The following SCFD2 variants were observed in gnomAD, a reference collection of about 807,000 sequenced individuals.
SCFD2 encodes the protein sec1 family domain-containing protein 2.
In SCFD2, 54 loss-of-function variants were observed where a neutral mutation model predicts 58.9. That is an observed-to-expected ratio of 0.92 (90% CI 0.74 to 1.15). The LOEUF is 1.15. Among genes scored for constraint, SCFD2 ranks in the 50% most tolerant of loss-of-function variants. The pLI is 0.00. For missense variants in SCFD2, 805 were observed against 836.6 expected (o/e 0.96, Z 0.47); for synonymous variants, 321 against 335.9 (o/e 0.96, Z 0.49).
At chr4:53,167,394 A>C (rs1358128849) in intron 4 of SCFD2, among the ~76,000 whole-genome samples, 1 of 152,236 alleles carries the variant, frequency 6.6e-6, no homozygotes. Context: ...ATTTATTTGA[A>C]GGTTATAATC....
At chr4:53,045,991 G>A (rs2148827872) in intron 5 of SCFD2, among the ~76,000 whole-genome samples, 1 of 152,172 alleles carries the variant, frequency 6.6e-6, no homozygotes, top group African/African-American at 2.4e-5. Context: ...CCATCTTAAA[G>A]ATGGGGAAAC....
intron 5 of SCFD2, among the ~76,000 whole-genome samples, chr4:52,963,333 A>G (rs375302643): frequency 5.3e-5 from 8 of 152,226 alleles, no homozygotes; most frequent in African/African-American, 1.9e-4. Context: ...AGGAGAAGTG[A>G]GAATCCTGGG....
At chr4:53,035,143 C>A (rs1722722417) in intron 5 of SCFD2, among the ~76,000 whole-genome samples, 1 of 152,142 alleles carries the variant, frequency 6.6e-6, no homozygotes, top group Non-Finnish European at 1.5e-5. Flanking sequence ...ACCAATGGAA[C>A]AGAACAGAGC....
intron 2 of SCFD2, among the ~76,000 whole-genome samples, chr4:53,319,824 GC>G (rs1353686508): frequency 1.3e-5 from 2 of 152,096 alleles, no homozygotes; most frequent in African/African-American, 4.8e-5. Flanking sequence ...GAGCCACTAG[GC>G]CCACCCGTCT....
chr4:52,874,342 T>A lies in SCFD2; in HGVS notation c.1963-281A>T, dbSNP rs1281671725. 2.0e-5 allele frequency among the ~76,000 whole-genome samples: 3 copies of A among 152,284 alleles called. No homozygotes were observed. In the East Asian group the frequency reaches 5.8e-4, roughly 29 times the overall value. On this transcript the variant is annotated intron_variant, in intron 8 of 8. Coordinates refer to ENST00000401642, the MANE Select transcript of SCFD2 (RefSeq NM_152540.4). ...CACTCAGGATGGCTGAGACTGGCACTAGGTACATTTGACAGGCAGAGCCCA... is the reference window on the plus strand; with the variant it reads ...CACTCAGGATGGCTGAGACTGGCACAAGGTACATTTGACAGGCAGAGCCCA...
chr4:52,896,069 G>A (rs1274557770), intron 7 of SCFD2, among the ~76,000 whole-genome samples: 1 of 152,018 alleles, frequency 6.6e-6, no homozygotes, highest in East Asian at 1.9e-4. Context: ...TTAGCCCTTT[G>A]TCAGATGAGT....
At chr4:52,900,244 G>C (rs1170504275) in intron 7 of SCFD2, among the ~76,000 whole-genome samples, 1 of 152,012 alleles carries the variant, frequency 6.6e-6, no homozygotes, top group Non-Finnish European at 1.5e-5. Context: ...TCGAGTTTCT[G>C]GTTTTTCTGC....
intron 5 of SCFD2, among the ~76,000 whole-genome samples, chr4:53,085,564 C>T (rs1199469716): frequency 1.3e-5 from 2 of 152,054 alleles, no homozygotes; most frequent in Non-Finnish European, 2.9e-5. Context: ...CACAAAAGAC[C>T]AAGAATAGCC....
At chr4:53,301,883 C>T (rs569056275) in intron 3 of SCFD2, among the ~76,000 whole-genome samples, 1 of 152,234 alleles carries the variant, frequency 6.6e-6, no homozygotes, top group South Asian at 2.1e-4. Context: ...CAGAAAAGGC[C>T]TTTGACAAAA....
chr4:52,933,684 T>C (rs950039871), intron 5 of SCFD2, among the ~76,000 whole-genome samples: 5 of 152,216 alleles, frequency 3.3e-5, no homozygotes, highest in African/African-American at 1.2e-4. Context: ...GCTTCTCATT[T>C]CCCAGAAACA....
intron 5 of SCFD2, among the ~76,000 whole-genome samples, chr4:53,106,169 C>T (rs1375597223): frequency 6.6e-6 from 1 of 152,114 alleles, no homozygotes; most frequent in Non-Finnish European, 1.5e-5. Flanking sequence ...AAAGGAATAG[C>T]ATCAACATCA....
intron 3 of SCFD2, among the ~76,000 whole-genome samples, chr4:53,286,930 T>A (rs1731685938): frequency 6.6e-6 from 1 of 152,166 alleles, no homozygotes; most frequent in African/African-American, 2.4e-5. Flanking sequence ...CTATGTGGCA[T>A]CCTCTCTCCT....
chr4:53,294,899 C>A (rs1041138423), intron 3 of SCFD2, among the ~76,000 whole-genome samples: 8 of 152,200 alleles, frequency 5.3e-5, no homozygotes, highest in Admixed American at 4.6e-4. Context: ...ATAGGGAATT[C>A]TTTCCCCATT....
chr4:53,010,312 T>C (rs1004854640), intron 5 of SCFD2, among the ~76,000 whole-genome samples: 4 of 152,266 alleles, frequency 2.6e-5, no homozygotes, highest in Non-Finnish European at 4.4e-5. Context: ...CTATTTTCTA[T>C]GAACTGTTTC....
intron 7 of SCFD2, among the ~76,000 whole-genome samples, chr4:52,900,102 C>A (rs908142471): frequency 2.0e-5 from 3 of 152,112 alleles, no homozygotes; most frequent in African/African-American, 7.2e-5. Flanking sequence ...TGAACTTCCT[C>A]CTTTAGCTCG....
chr4:53,053,278 G>A (rs768819889), intron 5 of SCFD2, among the ~76,000 whole-genome samples: 3 of 151,866 alleles, frequency 2.0e-5, no homozygotes, highest in Non-Finnish European at 4.4e-5. Context: ...TCAGAATGCT[G>A]GTTACCTCCA....
At chr4:53,011,283 G>A (rs1003989208) in intron 5 of SCFD2, among the ~76,000 whole-genome samples, 4 of 152,178 alleles carry the variant, frequency 2.6e-5, no homozygotes, top group African/African-American at 9.6e-5. Context: ...AGTCATTCAG[G>A]TTCCTTTAAT....
intron 4 of SCFD2, among the ~76,000 whole-genome samples, chr4:53,172,348 A>C (rs886349190): frequency 3.9e-5 from 6 of 152,014 alleles, no homozygotes; most frequent in African/African-American, 1.4e-4. Flanking sequence ...CCATTTATTT[A>C]TGCTGTAATC....
chr4:52,918,973 C>T (rs543927632), intron 6 of SCFD2, among the ~76,000 whole-genome samples: 51 of 152,252 alleles, frequency 3.3e-4, no homozygotes, highest in African/African-American at 1.2e-3. Context: ...CTCACTGACA[C>T]TTAGGATTGT....
Sources: allele counts gnomAD v4.1 joint callset (sites outside exome capture counted in the v4.1 genomes callset), GRCh38; gene constraint gnomAD v4.1.1; transcripts MANE v1.5; gene names NCBI Gene and HGNC (gene_info 2026-07-23, HGNC 2026-07-21).